The following SLC16A10 variants were observed in gnomAD, a reference collection of about 807,000 sequenced individuals.
SLC16A10 encodes the protein monocarboxylate transporter 10.
In SLC16A10, 27 loss-of-function variants were observed where a neutral mutation model predicts 40.0. That is an observed-to-expected ratio of 0.67 (90% confidence interval 0.50 to 0.93). The LOEUF is 0.93. Ranked by LOEUF, SLC16A10 falls within the 40% of genes least tolerant of loss-of-function variation. The pLI is 0.00. For synonymous variants in SLC16A10, 213 were observed against 249.8 expected, an observed-to-expected ratio of 0.85 and a Z score of 1.39; for missense variants, 529 against 658.2, an observed-to-expected ratio of 0.80 and a Z score of 2.15.
intron 2 of SLC16A10, among the ~76,000 whole-genome samples, chr6:111,174,590 T>C (rs1029909440): frequency 2.6e-5 from 4 of 152,210 alleles, no homozygotes; most frequent in Non-Finnish European, 4.4e-5. Flanking sequence ...TGTAGGTAAT[T>C]CCATGAGATG....
At chr6:111,139,945 G>C (rs1316302199) in intron 1 of SLC16A10, among the ~76,000 whole-genome samples, 1 of 152,090 alleles carries the variant, frequency 6.6e-6, no homozygotes, top group Non-Finnish European at 1.5e-5. Flanking sequence ...CTTATAGGTG[G>C]GAGCTAAATG....
intron 4 of SLC16A10, among the ~76,000 whole-genome samples, chr6:111,211,159 C>G (rs1390637804): frequency 6.6e-6 from 1 of 152,018 alleles, no homozygotes. Context: ...GGAGGAAGAC[C>G]TGTTAGGAGA....
intron 1 of SLC16A10, among the ~76,000 whole-genome samples, chr6:111,145,127 T>G (rs1772053648): frequency 6.6e-6 from 1 of 150,988 alleles, no homozygotes; most frequent in African/African-American, 2.4e-5. Flanking sequence ...CCACTGCACC[T>G]GGCCATCTTA....
chr6:111,217,850 G>A (rs546623847), intron 4 of SLC16A10, among the ~76,000 whole-genome samples: 68 of 152,070 alleles, frequency 4.5e-4, no homozygotes, highest in Non-Finnish European at 8.2e-4. Flanking sequence ...ATATAACTAC[G>A]GCAGCATATA....
intron 3 of SLC16A10, among the ~76,000 whole-genome samples, chr6:111,194,200 T>G (rs912387949): frequency 1.1e-4 from 16 of 152,224 alleles, no homozygotes; most frequent in Admixed American, 5.2e-4. Flanking sequence ...TACTTTACTT[T>G]CTAATAGCAC....
At chr6:111,143,050 T>A (rs974813000) in intron 1 of SLC16A10, among the ~76,000 whole-genome samples, 3 of 152,198 alleles carry the variant, frequency 2.0e-5, no homozygotes, top group African/African-American at 7.2e-5. Flanking sequence ...GAATGAGGTA[T>A]CAAGCTATGA....
At chr6:111,094,472 T>G (rs1405652604) in intron 1 of SLC16A10, among the ~76,000 whole-genome samples, 2 of 152,200 alleles carry the variant, frequency 1.3e-5, no homozygotes. Context: ...GCATGATACC[T>G]CTGGTTGTTT....
chr6:111,190,034 C>G (rs75397164), intron 3 of SLC16A10, among the ~76,000 whole-genome samples: 2 of 152,170 alleles, frequency 1.3e-5, no homozygotes, highest in Non-Finnish European at 2.9e-5. Flanking sequence ...CAAGGCAAGT[C>G]CCCTCTGCCT....
rs567667458 is a variant in SLC16A10 at position 111,202,884 on chromosome 6, C to CAA, written c.943-3672_943-3671dup. On this transcript the variant is annotated intron_variant, in intron 3 of 5. Coordinates refer to ENST00000368851, the MANE Select transcript of SLC16A10 (RefSeq NM_018593.5). ...CCTGGGTGACAGAGTGAGACTCCAT[C>CAA]AAAAAAAAAAAAAAAAAAAAAAAAA... 7.1e-4 allele frequency among the ~76,000 whole-genome samples: 61 copies of CAA among 86,308 alleles called. 2 individuals are homozygous for CAA. Among genetic ancestry groups the CAA allele is most frequent in the African/African-American group, 2.0e-3 (43 of 21,642 alleles). The allele number at this position is 86,308 out of a possible 152,430, so 56.6% of individuals were successfully genotyped here. A position where few individuals can be genotyped will look rare whatever the true frequency, so the allele number is the denominator to read the frequency against.
At chr6:111,132,414 G>T (rs1771800534) in intron 1 of SLC16A10, among the ~76,000 whole-genome samples, 1 of 152,212 alleles carries the variant, frequency 6.6e-6, no homozygotes, top group African/African-American at 2.4e-5. Context: ...CAAGGGGGTA[G>T]CCCAAAAACA....
chr6:111,137,857 C>T (rs1478803251), intron 1 of SLC16A10, among the ~76,000 whole-genome samples: 1 of 152,192 alleles, frequency 6.6e-6, no homozygotes, highest in East Asian at 1.9e-4. Flanking sequence ...AGCTCACACC[C>T]GACCAATGAG....
chr6:111,129,894 AT>A (rs1047427435), intron 1 of SLC16A10, among the ~76,000 whole-genome samples: 1 of 151,848 alleles, frequency 6.6e-6, no homozygotes, highest in African/African-American at 2.4e-5. Context: ...ATTCAAAGTG[AT>A]TTTTTTTTAA....
intron 3 of SLC16A10, among the ~76,000 whole-genome samples, chr6:111,195,687 A>G (rs1266306675): frequency 6.6e-6 from 1 of 152,168 alleles, no homozygotes; most frequent in African/African-American, 2.4e-5. Context: ...CTGATGCCCA[A>G]GATTTTAGCC....
At position 111,183,366 on chromosome 6, in the gene SLC16A10, A is replaced by G. The variant is rs549584319; in HGVS notation, c.942+5701A>G. On this transcript the variant is annotated intron_variant, in intron 3 of 5. Transcript: ENST00000368851. ...TTCTTTATTGTAGTCATTGCTTACT[A>G]TCCGTATATTTACACGTCTGCTAGA... 1.1e-4 allele frequency among the ~76,000 whole-genome samples: 16 copies of G among 152,254 alleles called. No homozygotes were observed. In the South Asian group the frequency reaches 2.1e-3, roughly 20 times the overall value.
chr6:111,162,541 C>T (rs1423863084), intron 1 of SLC16A10, among the ~76,000 whole-genome samples: 1 of 152,142 alleles, frequency 6.6e-6, no homozygotes, highest in Non-Finnish European at 1.5e-5. Flanking sequence ...GTAAGCACAC[C>T]CTTCCAGTCA....
intron 1 of SLC16A10, among the ~76,000 whole-genome samples, chr6:111,108,321 A>G (rs1300438280): frequency 6.6e-6 from 1 of 152,106 alleles, no homozygotes; most frequent in Non-Finnish European, 1.5e-5. Flanking sequence ...TGCCTGGCCT[A>G]TCTTACAGTC....
In SLC16A10 at chr6:111,227,468, C is replaced by T. The variant is rs1481656914; in HGVS notation, c.*5233C>T. ...TGTGCATTTTATCAGATGACTCCTC[C>T]TGAGACAGTAAAGACTCCTGGAAAA... On this transcript the variant is annotated 3_prime_UTR_variant, in exon 6 of 6. Coordinates refer to ENST00000368851, the MANE Select transcript of SLC16A10 (RefSeq NM_018593.5). 2 of 152,154 alleles carry T rather than the reference C, an allele frequency of 1.3e-5. No individual in the cohort carries two copies. The highest frequency in any genetic ancestry group is 4.8e-5 in the African/African-American group (2 of 41,426). 9.4% of individuals were successfully genotyped at this position (152,154 alleles called of 1,614,324 possible).
At chr6:111,123,325 A>G (rs1240722857) in intron 1 of SLC16A10, among the ~76,000 whole-genome samples, 4 of 152,214 alleles carry the variant, frequency 2.6e-5, no homozygotes, top group Non-Finnish European at 4.4e-5. Flanking sequence ...TAATGCTTGC[A>G]AGGAAGTCTC....
chr6:111,140,668 C>A (rs1771966809), intron 1 of SLC16A10, among the ~76,000 whole-genome samples: 1 of 152,084 alleles, frequency 6.6e-6, no homozygotes, highest in South Asian at 2.1e-4. Flanking sequence ...AATTAAAAAA[C>A]CATTAAAATA....
Sources: gnomAD v4.1 joint callset for allele counts (sites outside exome capture counted in the v4.1 genomes callset) on GRCh38, gnomAD v4.1.1 for gene constraint, MANE v1.5 for transcripts, NCBI Gene and HGNC (gene_info 2026-07-23, HGNC 2026-07-21) for gene names.